Variants in LDLRAD3 observed in about 807,000 individuals in gnomAD.
LDLRAD3 encodes low-density lipoprotein receptor class A domain-containing protein 3.
Under a neutral mutation model 29.4 loss-of-function variants are expected in LDLRAD3, and 20 were observed. That is an observed-to-expected ratio of 0.68 (90% CI 0.48 to 0.99). The LOEUF is 0.99. Among genes scored for constraint, LDLRAD3 ranks in the 50% least tolerant of loss-of-function variants. LDLRAD3 has a pLI of 0.00. For missense variants in LDLRAD3, 420 were observed against 454.3 expected (o/e 0.92, Z 0.69); for synonymous variants, 157 against 192.7 (o/e 0.81, Z 1.53).
intron 1 of LDLRAD3, chr11:35,972,748 A>G (rs1009960681): frequency 6.6e-6 from 1 of 152,230 alleles, no homozygotes; most frequent in African/African-American, 2.4e-5. Flanking sequence ...GTATGGTTCA[A>G]CATTTAAAAG....
chr11:36,049,691 G>A lies in LDLRAD3; in HGVS notation c.193+13442G>A, dbSNP rs1275024282. ...TAGAATCAGTGATTGGAAGGCAAAG[G>A]ACTCAGGTAGGTTACATTGCAAGTA... is the stretch of plus-strand genomic sequence containing the variant. On this transcript the variant is annotated intron_variant, in intron 2 of 5. Coordinates refer to ENST00000315571, the MANE Select transcript of LDLRAD3 (RefSeq NM_174902.4). Among the ~76,000 whole-genome samples the A allele has an allele frequency of 7.9e-5, 12 of 152,176 alleles. 1 individual carries two copies. The highest frequency in any genetic ancestry group is 7.9e-4 in the Admixed American group (12 of 15,276).
In LDLRAD3 at chr11:36,123,494, A is replaced by C. The variant is rs188448913; in HGVS notation, c.454+25033A>C. On this transcript the variant is annotated intron_variant, in intron 4 of 5. Coordinates refer to ENST00000315571, the MANE Select transcript of LDLRAD3 (RefSeq NM_174902.4). ...AAGCCCAGCTCTATAAGCATATTTTAAGCATCTGCTCATTTGTCCCATTGA... is the reference window on the plus strand; with the variant it reads ...AAGCCCAGCTCTATAAGCATATTTTCAGCATCTGCTCATTTGTCCCATTGA... Among the ~76,000 whole-genome samples, 614 of 152,354 alleles carry C rather than the reference A, an allele frequency of 4.0e-3. 5 individuals carry two copies. The highest frequency in any genetic ancestry group is 0.014 in the African/African-American group (575 of 41,582).
At chr11:36,119,213 A>G (rs1853717855) in intron 4 of LDLRAD3, among the ~76,000 whole-genome samples, 1 of 152,242 alleles carries the variant, frequency 6.6e-6, no homozygotes, top group African/African-American at 2.4e-5. Context: ...AACCTACAGT[A>G]TGTATCAGCT....
chr11:35,966,827 A>C (rs149953716), intron 1 of LDLRAD3, among the ~76,000 whole-genome samples: 209 of 152,338 alleles, frequency 1.4e-3, no homozygotes, highest in African/African-American at 4.8e-3. Flanking sequence ...TCTTTTTCAG[A>C]AATAGCATCA....
intron 2 of LDLRAD3, among the ~76,000 whole-genome samples, chr11:36,072,057 G>A (rs1852913966): frequency 6.6e-6 from 1 of 152,204 alleles, no homozygotes; most frequent in Non-Finnish European, 1.5e-5. Context: ...AGCAAGGGTG[G>A]TGATATTGTG....
chr11:36,220,731 G>C (rs1855415536), intron 4 of LDLRAD3, among the ~76,000 whole-genome samples: 1 of 152,100 alleles, frequency 6.6e-6, no homozygotes, highest in Non-Finnish European at 1.5e-5. Flanking sequence ...CCAGAGGCTT[G>C]GAATGAGGGG....
chr11:36,194,252 G>A (rs1263136659), intron 4 of LDLRAD3, among the ~76,000 whole-genome samples: 1 of 152,116 alleles, frequency 6.6e-6, no homozygotes, highest in Non-Finnish European at 1.5e-5. Flanking sequence ...AAACAATAGA[G>A]GTTTGTTTCC....
intron 3 of LDLRAD3, among the ~76,000 whole-genome samples, chr11:36,086,233 A>G (rs547987164): frequency 3.1e-4 from 47 of 152,300 alleles, no homozygotes; most frequent in African/African-American, 1.1e-3. Flanking sequence ...TAACTTCAAC[A>G]TCTGTGTCAT....
At chr11:36,063,972 G>T (rs1852748103) in intron 2 of LDLRAD3, among the ~76,000 whole-genome samples, 1 of 152,010 alleles carries the variant, frequency 6.6e-6, no homozygotes, top group Non-Finnish European at 1.5e-5. Context: ...TTAGTATAAG[G>T]GTTCCATAGA....
intron 4 of LDLRAD3, among the ~76,000 whole-genome samples, chr11:36,180,914 G>T (rs1449899425): frequency 1.3e-5 from 2 of 152,134 alleles, no homozygotes; most frequent in African/African-American, 4.8e-5. Context: ...TGGCACCAAG[G>T]TTTTTGGCCT....
chr11:36,141,417 G>A lies in LDLRAD3; in HGVS notation c.454+42956G>A, dbSNP rs185152007. 3.0e-3 allele frequency among the ~76,000 whole-genome samples: 454 copies of A among 152,294 alleles called. 3 individuals are homozygous for A. Among genetic ancestry groups the A allele is most frequent in the Non-Finnish European group, 4.3e-3 (291 of 68,026 alleles). ...GGATCGAATTTTTATGTGCGTCTTGGAAGGCTGGGGAGGATGTGGAAGCGG... is the reference window on the plus strand; with the variant it reads ...GGATCGAATTTTTATGTGCGTCTTGAAAGGCTGGGGAGGATGTGGAAGCGG... On this transcript the variant is annotated intron_variant, in intron 4 of 5. Coordinates refer to ENST00000315571, the MANE Select transcript of LDLRAD3 (RefSeq NM_174902.4).
At chr11:36,018,541 A>G (rs1852052239) in intron 1 of LDLRAD3, among the ~76,000 whole-genome samples, 1 of 151,344 alleles carries the variant, frequency 6.6e-6, no homozygotes. Flanking sequence ...AAGTGATGCT[A>G]TAAATAAAAA....
intron 1 of LDLRAD3, among the ~76,000 whole-genome samples, chr11:35,992,461 G>A (rs995468726): frequency 6.6e-6 from 1 of 152,298 alleles, no homozygotes; most frequent in African/African-American, 2.4e-5. Flanking sequence ...CCCAGTGGAT[G>A]AATGGATAAA....
rs545251222 is a variant in LDLRAD3, at chr11:35,958,516, C to T, written c.46+14372C>T. On this transcript the variant is annotated intron_variant, in intron 1 of 5. Coordinates refer to ENST00000315571, the MANE Select transcript of LDLRAD3 (RefSeq NM_174902.4). ...TCACTAAAAGCTAGAGATCTGATGT[C>T]AGTCACCTCGAAGAATTGACCTTTG... is the stretch of plus-strand genomic sequence containing the variant. 2.0e-5 allele frequency among the ~76,000 whole-genome samples: 3 copies of T among 152,286 alleles called. 1 individual carries two copies. In the South Asian group the frequency reaches 6.2e-4, roughly 32 times the overall value.
chr11:36,126,655 G>GACATAACCTTTATTTAGGT (rs1853842611), intron 4 of LDLRAD3, among the ~76,000 whole-genome samples: 1 of 151,952 alleles, frequency 6.6e-6, no homozygotes, highest in Non-Finnish European at 1.5e-5. Context: ...GCTCATTCAC[G>GACATAACCTTTATTTAGGT]TATGCAATAA....
intron 4 of LDLRAD3, among the ~76,000 whole-genome samples, chr11:36,135,039 CCCT>C (rs1404843630): frequency 2.6e-5 from 4 of 152,290 alleles, no homozygotes; most frequent in Admixed American, 6.5e-5. Flanking sequence ...CTCTCTCTTT[CCCT>C]CCTCTTCCTC....
intron 4 of LDLRAD3, among the ~76,000 whole-genome samples, chr11:36,109,190 C>T (rs148755855): frequency 1.9e-3 from 282 of 152,238 alleles, no homozygotes; most frequent in Middle Eastern, 0.01. Context: ...TCAGAAGAAC[C>T]GGAGTGGAGT....
intron 4 of LDLRAD3, among the ~76,000 whole-genome samples, chr11:36,143,332 T>C (rs1854114702): frequency 6.6e-6 from 1 of 152,230 alleles, no homozygotes; most frequent in Non-Finnish European, 1.5e-5. Context: ...CCTCTACCTC[T>C]TTCCCGTGGT....
At chr11:36,099,888 G>A (rs1447788981) in intron 4 of LDLRAD3, among the ~76,000 whole-genome samples, 1 of 152,182 alleles carries the variant, frequency 6.6e-6, no homozygotes, top group East Asian at 1.9e-4. Context: ...TGGGAGGCGA[G>A]TCTTGGATAG....
Sources: allele counts gnomAD v4.1 joint callset (sites outside exome capture counted in the v4.1 genomes callset), GRCh38; gene constraint gnomAD v4.1.1; transcripts MANE v1.5; gene names NCBI Gene and HGNC (gene_info 2026-07-23, HGNC 2026-07-21).